Variants in SDK1 observed in about 807,000 individuals in gnomAD.
The protein encoded by SDK1 is protein sidekick-1.
SDK1 carries 157 observed loss-of-function variants against 245.5 expected under a neutral mutation model. The observed-to-expected ratio is 0.64, with a 90% CI of 0.56 to 0.73. The LOEUF (loss-of-function observed/expected upper bound fraction) is 0.73. SDK1 is among the 30% of genes least tolerant of loss of function. The probability of loss-of-function intolerance (pLI) is 0.00; values close to 1 mark genes in which losing one functional copy is unlikely to be tolerated. For synonymous variants in SDK1, 1,647 were observed against 1,278.5 expected (o/e 1.29, Z -6.15); for missense variants, 3,583 against 3,002.3 (o/e 1.19, Z -4.52).
intron 4 of SDK1, among the ~76,000 whole-genome samples, chr7:3,781,983 C>G (rs1780759780): frequency 6.6e-6 from 1 of 152,134 alleles, no homozygotes; most frequent in Non-Finnish European, 1.5e-5. Flanking sequence ...GAAAAAAGCA[C>G]CAGAAACTAT....
Position 3,503,654 on chromosome 7 carries a change from G to T in SDK1, c.299-115426G>T, listed in dbSNP as rs186065557. Among the ~76,000 whole-genome samples the T allele has an allele frequency of 3.5e-3, 540 of 152,156 alleles. 7 individuals are homozygous for T. The highest frequency in any genetic ancestry group is 0.012 in the African/African-American group (493 of 41,512). On this transcript the variant is annotated intron_variant, in intron 1 of 44. Transcript: ENST00000404826. ...ACCATGCCACTGCACTCCAGCCTGG[G>T]TGATAGAGCCAGACCTTCATATCTT...
intron 1 of SDK1, among the ~76,000 whole-genome samples, chr7:3,495,950 T>A (rs1782012131): frequency 6.6e-6 from 1 of 152,222 alleles, no homozygotes. Flanking sequence ...TCCAGAAGAA[T>A]TTTGCATACA....
chr7:4,034,169 T>C (rs1205124493), intron 17 of SDK1, among the ~76,000 whole-genome samples: 2 of 152,182 alleles, frequency 1.3e-5, no homozygotes, highest in Non-Finnish European at 2.9e-5. Context: ...TAGGAACATA[T>C]TGCACAAGAA....
chr7:3,656,995 C>A (rs959288742), intron 4 of SDK1, among the ~76,000 whole-genome samples: 38 of 152,110 alleles, frequency 2.5e-4, no homozygotes, highest in Non-Finnish European at 2.6e-4. Context: ...GATCCACCCG[C>A]CTCGGCCTCC....
intron 16 of SDK1, among the ~76,000 whole-genome samples, chr7:4,016,613 TCTTCTACAAA>T (rs1398515468): frequency 6.6e-6 from 1 of 152,190 alleles, no homozygotes; most frequent in Non-Finnish European, 1.5e-5. Flanking sequence ...CTCACAGAGG[TCTTCTACAAA>T]GCAATTTGTC....
intron 4 of SDK1, among the ~76,000 whole-genome samples, chr7:3,695,783 C>T (rs960633882): frequency 5.3e-5 from 8 of 152,232 alleles, no homozygotes; most frequent in East Asian, 3.9e-4. Context: ...AGAAGGCAAC[C>T]GCTAGACGTA....
At chr7:3,847,275 C>T (rs972919998) in intron 5 of SDK1, among the ~76,000 whole-genome samples, 1 of 152,156 alleles carries the variant, frequency 6.6e-6, no homozygotes, top group Non-Finnish European at 1.5e-5. Flanking sequence ...TTATTTCTTG[C>T]CCAGACCAGT....
chr7:4,233,809 A>G (rs1270434727), intron 41 of SDK1, among the ~76,000 whole-genome samples: 2 of 151,938 alleles, frequency 1.3e-5, no homozygotes, highest in Non-Finnish European at 2.9e-5. Flanking sequence ...CTCTGGCAGG[A>G]CCCCAGGCCC....
chr7:4,149,242 C>G lies in SDK1; in HGVS notation c.4424-20C>G, dbSNP rs751966305. On this transcript the variant is annotated intron_variant, in intron 29 of 44. Coordinates refer to ENST00000404826, the MANE Select transcript of SDK1 (RefSeq NM_152744.4). ...GGGCAGCCTCTCACATGTCCCTGGT[C>G]TGTCCTCATTTGGTTGCAGAGCGGC... The G allele has an allele frequency of 2.0e-6, 3 of 1,489,934 alleles. No homozygotes were observed. Among genetic ancestry groups the G allele is most frequent in the East Asian group, 2.5e-5 (1 of 39,642 alleles). The allele number at this position is 1,489,934 out of a possible 1,614,324, so 92.3% of individuals were successfully genotyped here. A position where few individuals can be genotyped will look rare whatever the true frequency, so the allele number is the denominator to read the frequency against.
chr7:3,430,632 AGT>A (rs1411099083), intron 1 of SDK1, among the ~76,000 whole-genome samples: 2 of 152,120 alleles, frequency 1.3e-5, no homozygotes, highest in African/African-American at 4.8e-5. Flanking sequence ...CAGTTTCAAG[AGT>A]GTGTCTGAGA....
At chr7:3,862,309 A>G (rs555295097) in intron 5 of SDK1, among the ~76,000 whole-genome samples, 148 of 152,266 alleles carry the variant, frequency 9.7e-4, no homozygotes, top group African/African-American at 3.2e-3. Flanking sequence ...TCCCCAGGTA[A>G]TTTCTGTCTG....
In SDK1 at chr7:3,599,346, G is replaced by C. The variant is rs561799979; in HGVS notation, c.299-19734G>C. On this transcript the variant is annotated intron_variant, in intron 1 of 44. Transcript: ENST00000404826. The stretch of plus-strand genomic sequence containing the variant: ...TTGTTTCCTGCTACTGATTTCTGCG[G>C]ATTCTTTGTATATTCTAGATGCTAG... 3.9e-5 allele frequency among the ~76,000 whole-genome samples: 6 copies of C among 152,068 alleles called. No individual in the cohort carries two copies. In the South Asian group the frequency reaches 1.0e-3, roughly 26 times the overall value.
intron 1 of SDK1, among the ~76,000 whole-genome samples, chr7:3,377,309 T>A (rs575922191): frequency 6.6e-6 from 1 of 152,168 alleles, no homozygotes; most frequent in African/African-American, 2.4e-5. Flanking sequence ...ATATCCATGT[T>A]TAACGATAAA....
intron 4 of SDK1, among the ~76,000 whole-genome samples, chr7:3,818,619 T>G (rs951165579): frequency 5.3e-5 from 8 of 151,886 alleles, no homozygotes; most frequent in African/African-American, 1.9e-4. Context: ...TGTATTGGAG[T>G]GTTTTGATTT....
At chr7:3,550,365 T>G (rs1463617389) in intron 1 of SDK1, among the ~76,000 whole-genome samples, 1 of 152,194 alleles carries the variant, frequency 6.6e-6, no homozygotes, top group African/African-American at 2.4e-5. Context: ...TGAATTAATA[T>G]ACTCACAATC....
chr7:3,930,378 C>T (rs1029389098), intron 5 of SDK1, among the ~76,000 whole-genome samples: 11 of 152,156 alleles, frequency 7.2e-5, no homozygotes, highest in Admixed American at 5.2e-4. Context: ...CCAGCCCTGC[C>T]GAGGCAGAAT....
intron 1 of SDK1, among the ~76,000 whole-genome samples, chr7:3,333,213 A>G (rs188742888): frequency 2.6e-5 from 4 of 152,292 alleles, no homozygotes; most frequent in Non-Finnish European, 1.5e-5. Flanking sequence ...TGAAGGCCAA[A>G]ATGCAGAGTC....
At chr7:3,677,499 A>G (rs1241895908) in intron 4 of SDK1, among the ~76,000 whole-genome samples, 3 of 152,180 alleles carry the variant, frequency 2.0e-5, no homozygotes, top group Non-Finnish European at 4.4e-5. Flanking sequence ...ATTCCCATTT[A>G]TAAAAGCATC....
chr7:3,657,081 C>T (rs1354707886), intron 4 of SDK1, among the ~76,000 whole-genome samples: 22 of 152,098 alleles, frequency 1.4e-4, no homozygotes. Flanking sequence ...GTTACCTTCT[C>T]CCCCACAAAG....
Sources: gnomAD v4.1 joint callset for allele counts (sites outside exome capture counted in the v4.1 genomes callset) on GRCh38, gnomAD v4.1.1 for gene constraint, MANE v1.5 for transcripts, NCBI Gene and HGNC (gene_info 2026-07-23, HGNC 2026-07-21) for gene names.